SETX: variants seen among roughly 807,000 people sequenced by gnomAD.
SETX encodes the protein senataxin, also known as helicase senataxin.
Under a neutral mutation model 227.2 loss-of-function variants are expected in SETX, and 90 were observed. That is an observed-to-expected ratio of 0.40 (90% CI 0.33 to 0.47). SETX has a LOEUF of 0.47. Ranked by LOEUF, SETX falls within the 20% of genes least tolerant of loss-of-function variation. The pLI is 0.91. For synonymous variants in SETX, 1,210 were observed against 1,113.2 expected (o/e 1.09, Z -1.73); for missense variants, 3,052 against 3,181.5 (o/e 0.96, Z 0.98).
At chr9:132,319,236 C>T (rs1846181460) in intron 10 of SETX, among the ~76,000 whole-genome samples, 1 of 152,184 alleles carries the variant, frequency 6.6e-6, no homozygotes, top group South Asian at 2.1e-4. Flanking sequence ...CCAAATCAAG[C>T]CACCATCACC....
intron 18 of SETX, among the ~76,000 whole-genome samples, chr9:132,284,326 T>G (rs193115331): frequency 2.4e-4 from 36 of 152,380 alleles, no homozygotes; most frequent in African/African-American, 8.4e-4. Context: ...GTTTAAAATC[T>G]GATTAAAATC....
chr9:132,336,402 A>G lies in SETX; in HGVS notation c.612T>C (p.Leu204=), dbSNP rs1299988992. ...AAGTATAAATGTCTGGACTCTCTAA[A>G]AGCCCCAACTCAATGACTTTAAAAA... ...LCLFKVIELG[L]LESPDIYTSS... Residue 204 remains leucine (L), a synonymous_variant, in exon 6 of 26, where the codon CTT becomes CTC. Coordinates refer to ENST00000224140, the MANE Select transcript of SETX (RefSeq NM_015046.7). The G allele has an allele frequency of 6.2e-7, 1 of 1,613,926 alleles. No homozygotes were observed. The highest frequency in any genetic ancestry group is 8.5e-7 in the Non-Finnish European group (1 of 1,179,914).
At chr9:132,308,830 A>T (rs1845481521) in intron 11 of SETX, among the ~76,000 whole-genome samples, 1 of 152,238 alleles carries the variant, frequency 6.6e-6, no homozygotes, top group South Asian at 2.1e-4. Context: ...GGCCAAGAAT[A>T]GCCAAAGCAC....
At chr9:132,354,386 C>G (rs957146664) in intron 1 of SETX, among the ~76,000 whole-genome samples, 1 of 151,164 alleles carries the variant, frequency 6.6e-6, no homozygotes, top group Non-Finnish European at 1.5e-5. Context: ...GTCCCAGTTA[C>G]TCGGGGGGAT....
rs1842469307 is a variant in SETX, at chr9:132,262,960, C to CA, written c.*1278dup. 1 of 152,150 alleles carries CA rather than the reference C, an allele frequency of 6.6e-6. No homozygotes were observed. The highest frequency in any genetic ancestry group is 1.5e-5 in the Non-Finnish European group (1 of 68,020). 9.4% of individuals were successfully genotyped at this position (152,150 alleles called of 1,614,324 possible). On this transcript the variant is annotated 3_prime_UTR_variant, in exon 26 of 26. Transcript: ENST00000224140. ...CTGCGTGGATATTTGGAAAACTGGA[C>CA]AAAATCAGGCAGCCCACCCCTCCCT...
intron 13 of SETX, 74 bp from the exon 14 acceptor site, chr9:132,297,128 G>C: frequency 8.4e-6 from 11 of 1,317,010 alleles, no homozygotes; most frequent in East Asian, 2.5e-5. Context: ...ACATGAAAAA[G>C]ACCTGTCCAA....
chr9:132,288,503 C>A, intron 16 of SETX, 47 bp downstream of exon 16: 1 of 1,525,356 alleles, frequency 6.6e-7, no homozygotes, highest in Non-Finnish European at 9.1e-7. Flanking sequence ...CATTTTCCAC[C>A]AAACAAAACA....
At chr9:132,308,735 T>C (rs907979122) in intron 11 of SETX, among the ~76,000 whole-genome samples, 2 of 152,202 alleles carry the variant, frequency 1.3e-5, no homozygotes, top group African/African-American at 2.4e-5. Context: ...ATATACCTTA[T>C]TCATGAATTA....
At chr9:132,291,390 T>A (rs1402652044) in intron 15 of SETX, among the ~76,000 whole-genome samples, 2 of 151,970 alleles carry the variant, frequency 1.3e-5, no homozygotes, top group Admixed American at 6.6e-5. Context: ...ATGGTGTTGA[T>A]CTCCTGACCT....
chr9:132,333,583 C>T (rs1343318522), intron 7 of SETX, among the ~76,000 whole-genome samples: 1 of 151,810 alleles, frequency 6.6e-6, no homozygotes, highest in Non-Finnish European at 1.5e-5. Context: ...TATGTTTTCT[C>T]ATAGGATCTG....
At chr9:132,309,412 C>T (rs909419875) in intron 11 of SETX, among the ~76,000 whole-genome samples, 2 of 152,012 alleles carry the variant, frequency 1.3e-5, no homozygotes, top group African/African-American at 4.8e-5. Flanking sequence ...ACCCAACCCA[C>T]ATGCCTCAGT....
At chr9:132,296,084 C>A in intron 14 of SETX, 56 bp from the exon 15 acceptor site, 5 of 1,592,054 alleles carry the variant, frequency 3.1e-6, no homozygotes, top group Non-Finnish European at 3.4e-6. Flanking sequence ...TGGGTGAGCT[C>A]TATTACATAG....
At chr9:132,307,338 GT>G (rs35122140) in intron 11 of SETX, among the ~76,000 whole-genome samples, 21,932 of 148,326 alleles carry the variant, frequency 0.15, 2,238 homozygotes, top group East Asian at 0.43. Context: ...AGCTAAATAA[GT>G]TTTTTTTTTT....
At chr9:132,335,964 G>A (rs986587901) in intron 6 of SETX, among the ~76,000 whole-genome samples, 19 of 152,290 alleles carry the variant, frequency 1.2e-4, no homozygotes, top group African/African-American at 2.9e-4. Flanking sequence ...CTACAGGGCC[G>A]GGCGCGGTAG....
At chr9:132,304,472 G>A (rs1190162742) in intron 11 of SETX, among the ~76,000 whole-genome samples, 1 of 149,118 alleles carries the variant, frequency 6.7e-6, no homozygotes, top group African/African-American at 2.5e-5. Context: ...CTCAGAAATA[G>A]AAATAAAATT....
intron 10 of SETX, among the ~76,000 whole-genome samples, chr9:132,317,103 T>G (rs1313233549): frequency 1.3e-5 from 2 of 152,228 alleles, no homozygotes; most frequent in Non-Finnish European, 2.9e-5. Flanking sequence ...CTAAACATCT[T>G]CCTTTATCAC....
At chr9:132,324,384 G>C (rs976517496) in intron 10 of SETX, among the ~76,000 whole-genome samples, 2 of 152,102 alleles carry the variant, frequency 1.3e-5, no homozygotes, top group African/African-American at 4.8e-5. Context: ...CATTTATCTT[G>C]CCATGTACAG....
chr9:132,329,207 CTTCT>C lies in SETX; in HGVS notation c.2387_2390del (p.Lys796SerfsTer15), dbSNP rs745775419. ...CGACCAAAGTACTCTTCCTGTGTTG[CTTCT>C]TTATTACATGTGATAACTTTGCACA... On this transcript the variant is annotated frameshift_variant, in exon 10 of 26. Coordinates refer to ENST00000224140, the MANE Select transcript of SETX (RefSeq NM_015046.7). LOFTEE classifies it high-confidence loss of function. 24 of 1,613,634 alleles carry C rather than the reference CTTCT, an allele frequency of 1.5e-5. No individual in the cohort carries two copies. Among genetic ancestry groups the C allele is most frequent in the Middle Eastern group, 1.6e-4 (1 of 6,080 alleles).
chr9:132,334,192 TCC>T (rs1847443840), intron 7 of SETX, among the ~76,000 whole-genome samples: 1 of 152,228 alleles, frequency 6.6e-6, no homozygotes, highest in Non-Finnish European at 1.5e-5. Flanking sequence ...ATGCCTGTAA[TCC>T]CAGCACTTTG....
Sources: allele counts gnomAD v4.1 joint callset (sites outside exome capture counted in the v4.1 genomes callset), GRCh38; gene constraint gnomAD v4.1.1; transcripts MANE v1.5; gene names NCBI Gene and HGNC (gene_info 2026-07-23, HGNC 2026-07-21).